The following OFD1 variants were observed in gnomAD, a reference collection of about 807,000 sequenced individuals.
The protein encoded by OFD1 is centriole and centriolar satellite protein OFD1.
Under a neutral mutation model 81.4 loss-of-function variants are expected in OFD1, and 12 were observed. That is an observed-to-expected ratio of 0.15 (90% CI 0.09 to 0.24). OFD1 has a LOEUF of 0.24. Among genes scored for constraint, OFD1 ranks in the 10% least tolerant of loss-of-function variants. The probability of loss-of-function intolerance (pLI) is 1.00; values close to 1 mark genes in which losing one functional copy is unlikely to be tolerated. For synonymous variants in OFD1, 256 were observed against 263.7 expected (o/e 0.97, Z 0.28); for missense variants, 685 against 733.9 (o/e 0.93, Z 0.77).
At chrX:13,755,023 C>T (rs560819701) in intron 11 of OFD1, 128 bp from the exon 12 acceptor site, 8 of 524,685 alleles carry the variant, frequency 1.5e-5, no homozygotes, top group Admixed American at 8.0e-5. Flanking sequence ...CTTACTTGCC[C>T]GCTACATCTG....
chrX:13,722,217 A>AAAAAG, the OFD1 span: 1 of 97,721 alleles, frequency 1.0e-5, no homozygotes, highest in East Asian at 3.0e-4. Flanking sequence ...GCAAAAAAAA[A>AAAAAG]AAAAAAAAAA....
chrX:13,715,967 T>C, the OFD1 span: 3 of 1,155,998 alleles, frequency 2.6e-6, no homozygotes, highest in Non-Finnish European at 3.5e-6. Context: ...TCGAATCCTT[T>C]CTCATCAGAA....
chrX:13,741,769 G>A (rs2047114163), intron 5 of OFD1, among the ~76,000 whole-genome samples: 1 of 111,635 alleles, frequency 9.0e-6, no homozygotes, highest in South Asian at 3.7e-4. Flanking sequence ...AGGGGAGGGG[G>A]TCCCAAGGTG....
chrX:13,735,385 TG>T, intron 2 of OFD1, 39 bp downstream of exon 2: 2 of 982,752 alleles, frequency 2.0e-6, no homozygotes, highest in Non-Finnish European at 2.9e-6. Context: ...CTTTTACAAG[TG>T]TAACCTGTAA....
chrX:13,743,560 A>G (rs2047186784), intron 5 of OFD1, among the ~76,000 whole-genome samples: 1 of 112,507 alleles, frequency 8.9e-6, no homozygotes, highest in East Asian at 2.8e-4. Context: ...CAAGTGAATG[A>G]GTATAGCTAT....
At position 13,769,173 on chromosome X, in the gene OFD1, T is replaced by G. The variant is rs1407174901; in HGVS notation, c.*65T>G. On this transcript the variant is annotated 3_prime_UTR_variant, in exon 23 of 23. Coordinates refer to ENST00000340096, the MANE Select transcript of OFD1 (RefSeq NM_003611.3). ...AAGTTACGTAACATTTACTCCTTTGTAAATGTTTCCCTATCATCAGACAAA... is the reference window on the plus strand; with the variant it reads ...AAGTTACGTAACATTTACTCCTTTGGAAATGTTTCCCTATCATCAGACAAA... 2.4e-5 allele frequency: 21 copies of G among 874,046 alleles called. No homozygotes were observed. The highest frequency in any genetic ancestry group is 2.1e-4 in the South Asian group (10 of 48,364). 72.0% of individuals were successfully genotyped at this position (874,046 alleles called of 1,213,427 possible).
In OFD1 at chrX:13,761,200, G is replaced by A. The variant is rs183241931; in HGVS notation, c.2376G>A (p.Glu792=). 345 of 1,208,549 alleles carry A rather than the reference G, an allele frequency of 2.9e-4. 1 individual carries two copies. The East Asian group carries it at 9.5e-3, about 33-fold the overall frequency. Reference sequence around the variant, plus strand: ...TCCCTCCTGTCTCCAGCCCTCCGGAGCAGAAAGTGGGGTAAGTATAACGTT... The same window carrying A: ...TCCCTCCTGTCTCCAGCCCTCCGGAACAGAAAGTGGGGTAAGTATAACGTT... ...LSIPPVSSPP[E]QKVGLYRRQT... Residue 792 remains glutamate, a synonymous_variant, in exon 17 of 23, where the codon GAG becomes GAA. Transcript: ENST00000340096.
rs1252017658 is a variant in OFD1 at position 13,767,214 on chromosome X, G to GA, written c.2689dup (p.Arg897LysfsTer4). On this transcript the variant is annotated frameshift_variant, in exon 20 of 23. Coordinates refer to ENST00000340096, the MANE Select transcript of OFD1 (RefSeq NM_003611.3). LOFTEE classifies it high-confidence loss of function. ...AAAGAACGAAGGCAGAGAGAAGAAA[G>GA]AAGGCAGAGTAACCTACAAGAAGTT... 8.3e-7 allele frequency: 1 copy of GA among 1,208,860 alleles called. No individual in the cohort carries two copies. Among genetic ancestry groups the GA allele is most frequent in the African/African-American group, 1.7e-5 (1 of 57,270 alleles).
At chrX:13,742,807 A>G (rs2047158474) in intron 5 of OFD1, among the ~76,000 whole-genome samples, 1 of 111,791 alleles carries the variant, frequency 8.9e-6, no homozygotes, top group South Asian at 3.7e-4. Context: ...GACAAGCGTG[A>G]GCCACTGTAC....
intron 2 of OFD1, 35 bp downstream of exon 2, chrX:13,735,381 C>T: frequency 9.8e-7 from 1 of 1,022,838 alleles, no homozygotes; most frequent in Non-Finnish European, 1.4e-6. Context: ...TCAGCTTTTA[C>T]AAGTGTAACC....
intron 8 of OFD1, among the ~76,000 whole-genome samples, chrX:13,747,221 A>G (rs760459248): frequency 2.7e-5 from 3 of 112,139 alleles, no homozygotes; most frequent in Non-Finnish European, 5.6e-5. Context: ...CCATCTCCTC[A>G]GGCAGATTAG....
rs1449673323 is a variant in OFD1, at chrX:13,763,816, G to A, written c.2560G>A (p.Ala854Thr). 3 of 1,210,010 alleles carry A rather than the reference G, an allele frequency of 2.5e-6. No homozygotes were observed. Among genetic ancestry groups the A allele is most frequent in the Non-Finnish European group, 3.4e-6 (3 of 894,371 alleles). Residue 854 changes from alanine (A) to threonine (T), a missense_variant, in exon 19 of 23, where the codon GCT becomes ACT. Physicochemically the swap from Ala to Thr is moderately conservative, Grantham distance 58. Transcript: ENST00000340096. ...SPAGDMSHVDAAAAAVPLSYQ... is the reference protein window; with the variant it reads ...SPAGDMSHVDTAAAAVPLSYQ... ...TGCCGGGGATATGTCTCATGTGGAC[G>A]CTGCTGCAGCTGCTGTGCCCCTCTC...
chrX:13,747,837 C>T (rs959071766), intron 8 of OFD1, among the ~76,000 whole-genome samples: 2 of 111,684 alleles, frequency 1.8e-5, no homozygotes, highest in Middle Eastern at 9.2e-3. Flanking sequence ...ACCATTTGAT[C>T]TTGTCACCCC....
chrX:13,719,029 C>T, the OFD1 span, among the ~76,000 whole-genome samples: 1 of 110,463 alleles, frequency 9.1e-6, no homozygotes, highest in Non-Finnish European at 1.9e-5. Context: ...CAGTGGTGCG[C>T]ACCTATAATC....
chrX:13,733,659 C>T (rs1044871519), upstream of OFD1, among the ~76,000 whole-genome samples: 1 of 112,214 alleles, frequency 8.9e-6, no homozygotes, highest in African/African-American at 3.2e-5. Context: ...TCTGTCCTCA[C>T]AGGACTTAGA....
At chrX:13,739,323 T>C (rs1602782467) in intron 5 of OFD1, 1 of 300,193 alleles carries the variant, frequency 3.3e-6, no homozygotes, top group African/African-American at 2.7e-5. Flanking sequence ...AACTAATAAC[T>C]TTTAGGCCAA....
At chrX:13,724,418 AAG>A in the OFD1 span, among the ~76,000 whole-genome samples, 3 of 109,269 alleles carry the variant, frequency 2.7e-5, no homozygotes, top group South Asian at 3.9e-4. Context: ...AAAAAAAAAA[AAG>A]AGGCTTTTTA....
At position 13,739,042 on chromosome X, in the gene OFD1, G is replaced by T. The variant is rs201837087; in HGVS notation, c.412+10G>T. 3.3e-6 allele frequency: 4 copies of T among 1,197,875 alleles called. No individual in the cohort carries two copies. The Admixed American group carries it at 8.7e-5, about 26-fold the overall frequency. On this transcript the variant is annotated intron_variant, in intron 5 of 22. Transcript: ENST00000340096. Reference sequence around the variant, plus strand: ...AAAGAAAATCAAAAAGGTAGGAGCCGTCATCTTTGTAGAGAACAGCAACAG... The same window carrying T: ...AAAGAAAATCAAAAAGGTAGGAGCCTTCATCTTTGTAGAGAACAGCAACAG...
rs2047489418 is a variant in OFD1, at chrX:13,751,264, G to A, written c.951G>A (p.Gln317=). 2 of 1,207,886 alleles carry A rather than the reference G, an allele frequency of 1.7e-6. No individual in the cohort carries two copies. The highest frequency in any genetic ancestry group is 2.2e-6 in the Non-Finnish European group (2 of 892,790). The change falls in exon 10 of 23, where the codon CAG becomes CAA. Residue 317 remains glutamine (Q), a synonymous_variant. Transcript: ENST00000340096. ...TTAATTTCAGGAACCAGAAGCTCCA[G>A]GAAGAAAAACATAAAAGCATAACTG... ...VEAFELNQKL[Q]EEKHKSITEA...
Sources: allele counts gnomAD v4.1 joint callset (sites outside exome capture counted in the v4.1 genomes callset), GRCh38; gene constraint gnomAD v4.1.1; transcripts MANE v1.5; gene names NCBI Gene and HGNC (gene_info 2026-07-23, HGNC 2026-07-21).